The following LRBA variants were observed in gnomAD, a reference collection of about 807,000 sequenced individuals.
LRBA encodes LPS responsive beige-like anchor protein.
In LRBA, 176 loss-of-function variants were observed where a neutral mutation model predicts 330.0. That is an observed-to-expected ratio of 0.53 (90% confidence interval 0.47 to 0.60). The LOEUF (loss-of-function observed/expected upper bound fraction) is 0.60, where lower values mean the gene tolerates loss of function less well. LRBA is among the 20% of genes least tolerant of loss of function. The pLI is 0.00. For synonymous variants in LRBA, 1,230 were observed against 1,193.0 expected, an observed-to-expected ratio of 1.03 and a Z score of -0.64; for missense variants, 3,259 against 3,444.8, an observed-to-expected ratio of 0.95 and a Z score of 1.35.
At chr4:150,798,508 C>A (rs536995756) in intron 33 of LRBA, among the ~76,000 whole-genome samples, 1 of 152,100 alleles carries the variant, frequency 6.6e-6, no homozygotes, top group South Asian at 2.1e-4. Flanking sequence ...GGCTCCCTGA[C>A]CTTTGCTTTC....
chr4:150,564,781 G>T (rs1241093489), intron 40 of LRBA, among the ~76,000 whole-genome samples: 2 of 152,064 alleles, frequency 1.3e-5, no homozygotes, highest in Non-Finnish European at 2.9e-5. Context: ...CATATGAAAA[G>T]AAGTTCATCA....
intron 41 of LRBA, among the ~76,000 whole-genome samples, chr4:150,489,397 ATATT>A (rs1758492070): frequency 1.7e-5 from 1 of 57,486 alleles, no homozygotes; most frequent in South Asian, 5.8e-4. Flanking sequence ...AATATAAAAT[ATATT>A]ATATATAAGA....
At chr4:150,964,941 T>C (rs761214057) in intron 2 of LRBA, among the ~76,000 whole-genome samples, 6 of 152,206 alleles carry the variant, frequency 3.9e-5, no homozygotes, top group Non-Finnish European at 8.8e-5. Context: ...TAAATTCTGA[T>C]TAATCATCAC....
At chr4:150,629,165 G>A (rs755648392) in intron 37 of LRBA, among the ~76,000 whole-genome samples, 22 of 152,092 alleles carry the variant, frequency 1.4e-4, no homozygotes, top group Non-Finnish European at 3.1e-4. Flanking sequence ...GCCTCACTAC[G>A]TGCTGAGATT....
intron 17 of LRBA, among the ~76,000 whole-genome samples, chr4:150,875,893 A>G (rs1476199730): frequency 6.6e-6 from 1 of 152,206 alleles, no homozygotes; most frequent in Non-Finnish European, 1.5e-5. Context: ...ACCAAAATGG[A>G]AACTCAGAAG....
intron 40 of LRBA, chr4:150,580,509 G>A (rs960810378): frequency 7.9e-5 from 12 of 152,102 alleles, no homozygotes; most frequent in African/African-American, 2.9e-4. Context: ...CCCTCCCAAG[G>A]GGTTTTGAAA....
At chr4:150,587,257 T>C (rs1251572470) in intron 40 of LRBA, among the ~76,000 whole-genome samples, 2 of 152,192 alleles carry the variant, frequency 1.3e-5, no homozygotes, top group African/African-American at 2.4e-5. Context: ...AAACTCAAAA[T>C]ATGTGTATGT....
chr4:150,351,596 G>A (rs914127229), intron 47 of LRBA, among the ~76,000 whole-genome samples: 1 of 152,142 alleles, frequency 6.6e-6, no homozygotes, highest in African/African-American at 2.4e-5. Context: ...GGCTGAGGCA[G>A]GAGAATGGCA....
chr4:150,844,749 T>C lies in LRBA; in HGVS notation c.4370A>G (p.Glu1457Gly). 3 of 1,613,166 alleles carry C rather than the reference T, an allele frequency of 1.9e-6. No individual in the cohort carries two copies. The highest frequency in any genetic ancestry group is 2.5e-6 in the Non-Finnish European group (3 of 1,179,246). Reference sequence around the variant, plus strand: ...TTTCAGTTGTGAATGCTGTTGACACTCCAAGCAATTCCTTACTGCGACTGC... The same window carrying C: ...TTTCAGTTGTGAATGCTGTTGACACCCCAAGCAATTCCTTACTGCGACTGC... ...VCAVAVRNCL[E>G]CQQHSQLKTR... The change falls in exon 27 of 57, where the codon GAG becomes GGG. Residue 1457 changes from glutamate to glycine, a missense_variant. By Grantham distance (98) the Glu-to-Gly change is moderately conservative (BLOSUM62 -2). Coordinates refer to ENST00000651943, the MANE Select transcript of LRBA (RefSeq NM_001364905.1).
At chr4:150,368,330 T>C (rs879385545) in intron 47 of LRBA, among the ~76,000 whole-genome samples, 1 of 151,752 alleles carries the variant, frequency 6.6e-6, no homozygotes, top group Non-Finnish European at 1.5e-5. Context: ...GAAAAAAAAA[T>C]ACTATAAAGC....
At chr4:150,436,958 A>G in intron 44 of LRBA, 94 bp from the exon 45 acceptor site, 1 of 1,156,210 alleles carries the variant, frequency 8.6e-7, no homozygotes, top group Admixed American at 2.3e-5. Context: ...GTAAGTATAA[A>G]AGTGAATTTT....
chr4:150,851,050 A>G (rs1487794395), intron 23 of LRBA, 148 bp from the exon 24 acceptor site: 4 of 559,292 alleles, frequency 7.2e-6, no homozygotes, highest in Admixed American at 3.4e-5. Flanking sequence ...AAAATTATCA[A>G]TGAGTAATAA....
rs563435321 is a variant in LRBA at position 150,460,857 on chromosome 4, C to T, written c.6780+6816G>A. Among the ~76,000 whole-genome samples, 4 of 151,886 alleles carry T rather than the reference C, an allele frequency of 2.6e-5. No individual in the cohort carries two copies. In the East Asian group the frequency reaches 7.7e-4, roughly 29 times the overall value. ...ATTAAAAAGTAAGTATTTGCTTTAT[C>T]TTGGCCATTCCTGTTTCTCCCAAAT... On this transcript the variant is annotated intron_variant, in intron 44 of 56. Transcript: ENST00000651943.
rs566535770 is a variant in LRBA, at chr4:150,928,442, G to A, written c.549+74C>T. 73 of 846,680 alleles carry A rather than the reference G, an allele frequency of 8.6e-5. 1 individual carries two copies. The East Asian group carries it at 1.7e-3, about 20-fold the overall frequency. The allele number at this position is 846,680 out of a possible 1,614,324, so 52.4% of individuals were successfully genotyped here. ...AATTATCCCATGTATAATAATATCA[G>A]TTACTTTACAAGCTACGAATGTGTT... On this transcript the variant is annotated intron_variant, in intron 4 of 56. Coordinates refer to ENST00000651943, the MANE Select transcript of LRBA (RefSeq NM_001364905.1).
chr4:150,454,771 C>T (rs550059872), intron 44 of LRBA, among the ~76,000 whole-genome samples: 2 of 152,070 alleles, frequency 1.3e-5, no homozygotes, highest in South Asian at 4.2e-4. Context: ...GTCCGTTATG[C>T]CACTCTGTAT....
chr4:150,491,052 T>C lies in LRBA; in HGVS notation c.6331-17A>G, dbSNP rs753294281. ...TGCCAAGATCTAATGAGGAAAAAAA[T>C]AATCCCAGGTAAGTAACAATACTTG... On this transcript the variant is annotated splice_polypyrimidine_tract_variant and intron_variant, in intron 40 of 56. Coordinates refer to ENST00000651943, the MANE Select transcript of LRBA (RefSeq NM_001364905.1). 2.4e-6 allele frequency: 3 copies of C among 1,264,886 alleles called. No homozygotes were observed. Among genetic ancestry groups the C allele is most frequent in the Non-Finnish European group, 3.4e-6 (3 of 890,152 alleles). 78.4% of individuals were successfully genotyped at this position (1,264,886 alleles called of 1,614,324 possible). A position where few individuals can be genotyped will look rare whatever the true frequency, so the allele number is the denominator to read the frequency against.
At chr4:150,983,449 CTT>C (rs35205576) in intron 2 of LRBA, among the ~76,000 whole-genome samples, 77 of 107,224 alleles carry the variant, frequency 7.2e-4, no homozygotes, top group Non-Finnish European at 1.1e-3. Flanking sequence ...AGCAAGCACT[CTT>C]TTTTTTTTTT....
intron 47 of LRBA, among the ~76,000 whole-genome samples, chr4:150,377,161 C>A (rs1339623105): frequency 6.8e-6 from 1 of 146,074 alleles, no homozygotes. Context: ...AAAAAAGAAG[C>A]TCTTAGTCTT....
chr4:150,598,565 T>C (rs577209254), intron 38 of LRBA, among the ~76,000 whole-genome samples: 1 of 152,318 alleles, frequency 6.6e-6, no homozygotes, highest in South Asian at 2.1e-4. Flanking sequence ...ACATTTATTA[T>C]TATCTTTCCC....
Sources: gnomAD v4.1 joint callset for allele counts (sites outside exome capture counted in the v4.1 genomes callset) on GRCh38, gnomAD v4.1.1 for gene constraint, MANE v1.5 for transcripts, NCBI Gene and HGNC (gene_info 2026-07-23, HGNC 2026-07-21) for gene names.